SYNJ1: variants seen among roughly 807,000 people sequenced by gnomAD.
SYNJ1 encodes synaptojanin 1.
A neutral mutation model predicts 168.2 loss-of-function variants in SYNJ1; 78 were observed. The ratio of observed to expected loss-of-function variants is 0.46; its 90% confidence interval spans 0.39 to 0.56. SYNJ1 has a LOEUF of 0.56. SYNJ1 is among the 20% of genes least tolerant of loss of function. The pLI is 0.00. For synonymous variants in SYNJ1, 539 were observed against 548.6 expected (o/e 0.98, Z 0.24); for missense variants, 1,303 against 1,597.6 (o/e 0.82, Z 3.14).
Position 32,645,752 on chromosome 21 carries a change from C to A in SYNJ1, c.3285G>T (p.Pro1095=), listed in dbSNP as rs376395608. ...PIDAQPATPL[P]QKDPAQPLEP... is the part of the protein sequence containing the mutation. Reference sequence around the variant, plus strand: ...CCAAGGGCTGGGCGGGGTCTTTCTGCGGCAGCGGCGTTGCTGGCTGCGCGT... The same window carrying A: ...CCAAGGGCTGGGCGGGGTCTTTCTGAGGCAGCGGCGTTGCTGGCTGCGCGT... The change falls in exon 25 of 33, where the codon CCG becomes CCT. Residue 1095 remains proline (P), a synonymous_variant. Transcript: ENST00000674351. The A allele has an allele frequency of 3.0e-5, 44 of 1,463,480 alleles. No homozygotes were observed. The highest frequency in any genetic ancestry group is 5.0e-5 in the East Asian group (2 of 40,112). The allele number at this position is 1,463,480 out of a possible 1,614,324, so 90.7% of individuals were successfully genotyped here.
chr21:32,664,512 T>C (rs541704874), intron 18 of SYNJ1, among the ~76,000 whole-genome samples: 1 of 108,318 alleles, frequency 9.2e-6, no homozygotes, highest in African/African-American at 3.2e-5. Context: ...TGAAAATCCC[T>C]GTCCTGTTCC....
rs144798143 is a variant in SYNJ1 at position 32,636,114 on chromosome 21, T to C, written c.3916-1230A>G. ...GGACAGGAGATCAGGAATAGGTTTA[T>C]ACTGAGAGGTACAAGGTTGCTGTAT... On this transcript the variant is annotated intron_variant, in intron 31 of 32. Coordinates refer to ENST00000674351, the MANE Select transcript of SYNJ1 (RefSeq NM_203446.3). 2.4e-3 allele frequency among the ~76,000 whole-genome samples: 371 copies of C among 152,318 alleles called. 1 individual carries two copies. Among genetic ancestry groups the C allele is most frequent in the Non-Finnish European group, 4.2e-3 (283 of 68,024 alleles).
intron 15 of SYNJ1, among the ~76,000 whole-genome samples, chr21:32,668,767 C>T (rs1353460425): frequency 6.6e-6 from 1 of 152,162 alleles, no homozygotes; most frequent in Non-Finnish European, 1.5e-5. Flanking sequence ...GGATTCAGAA[C>T]AGCGTTCCCA....
At chr21:32,693,392 T>C (rs995499981) in intron 6 of SYNJ1, among the ~76,000 whole-genome samples, 1 of 152,228 alleles carries the variant, frequency 6.6e-6, no homozygotes, top group African/African-American at 2.4e-5. Context: ...GAAGTGTTAA[T>C]CCTTGTTAAC....
At chr21:32,704,376 A>G (rs548467365) in intron 2 of SYNJ1, among the ~76,000 whole-genome samples, 1 of 152,354 alleles carries the variant, frequency 6.6e-6, no homozygotes, top group East Asian at 1.9e-4. Context: ...AAGAGAAAAC[A>G]GTATCTTCTT....
rs1444686153 is a variant in SYNJ1 at position 32,700,131 on chromosome 21, A to G, written c.212-26T>C. ...CTGCAAAACCCAAAGATTTTACTGGATGAAAAATCCCAACATTTTCAAGCT... is the reference window on the plus strand; with the variant it reads ...CTGCAAAACCCAAAGATTTTACTGGGTGAAAAATCCCAACATTTTCAAGCT... On this transcript the variant is annotated intron_variant, in intron 3 of 32. Coordinates refer to ENST00000674351, the MANE Select transcript of SYNJ1 (RefSeq NM_203446.3). 5.1e-6 allele frequency: 8 copies of G among 1,563,720 alleles called. No individual in the cohort carries two copies. In the East Asian group the frequency reaches 1.4e-4, roughly 27 times the overall value.
intron 2 of SYNJ1, among the ~76,000 whole-genome samples, chr21:32,712,698 A>G (rs1238881429): frequency 6.6e-6 from 1 of 152,238 alleles, no homozygotes; most frequent in Non-Finnish European, 1.5e-5. Context: ...ATATAACCAT[A>G]CAAATGCAAA....
chr21:32,672,059 C>CAAAAAAAAAAAAAAAAAAAAAAAAACA (rs1160074724), intron 14 of SYNJ1, among the ~76,000 whole-genome samples: 1 of 24,664 alleles, frequency 4.1e-5, no homozygotes, highest in Admixed American at 4.5e-4. Flanking sequence ...AACTCAATCT[C>CAAAAAAAAAAAAAAAAAAAAAAAAACA]AAAAAAAAAA....
intron 24 of SYNJ1, 135 bp downstream of exon 24, chr21:32,646,258 A>T: frequency 1.2e-6 from 1 of 839,910 alleles, no homozygotes; most frequent in Non-Finnish European, 1.9e-6. Context: ...CTTATCATCT[A>T]CAAGTTTTCC....
intron 2 of SYNJ1, among the ~76,000 whole-genome samples, chr21:32,725,826 A>G (rs1358876018): frequency 2.6e-5 from 4 of 152,154 alleles, no homozygotes; most frequent in Non-Finnish European, 4.4e-5. Context: ...ATGTGTATAT[A>G]TAATCATATA....
chr21:32,702,186 T>G, intron 2 of SYNJ1, 139 bp from the exon 3 acceptor site: 3 of 539,750 alleles, frequency 5.6e-6, no homozygotes, highest in Non-Finnish European at 9.8e-6. Flanking sequence ...TTTCTTAAAC[T>G]AGTAACATTA....
At chr21:32,656,269 AAAAACAAAAC>A (rs916645799) in intron 21 of SYNJ1, among the ~76,000 whole-genome samples, 1 of 152,122 alleles carries the variant, frequency 6.6e-6, no homozygotes, top group African/African-American at 2.4e-5. Flanking sequence ...CTGCCTCTAC[AAAAACAAAAC>A]AAAACAAAAC....
intron 18 of SYNJ1, among the ~76,000 whole-genome samples, chr21:32,664,669 G>A (rs1343508043): frequency 5.3e-5 from 8 of 152,126 alleles, no homozygotes; most frequent in Non-Finnish European, 7.3e-5. Flanking sequence ...TTTTGGAGAC[G>A]TGAGTCCGCT....
At chr21:32,677,975 G>A (rs1431189509) in intron 12 of SYNJ1, among the ~76,000 whole-genome samples, 4 of 152,142 alleles carry the variant, frequency 2.6e-5, no homozygotes, top group Admixed American at 2.6e-4. Context: ...GAAAGAAAAA[G>A]TAAGTCTAAT....
At chr21:32,673,627 AATT>A (rs2041289172) in intron 13 of SYNJ1, 96 bp from the exon 14 acceptor site, 1 of 1,069,378 alleles carries the variant, frequency 9.4e-7, no homozygotes, top group African/African-American at 1.6e-5. Flanking sequence ...TGGAAAGCAC[AATT>A]ATTATCACAA....
At chr21:32,672,591 C>T (rs547196040) in intron 14 of SYNJ1, among the ~76,000 whole-genome samples, 18 of 152,258 alleles carry the variant, frequency 1.2e-4, no homozygotes, top group South Asian at 4.1e-4. Context: ...CCACCTGCCT[C>T]GGCCTCCCAA....
In SYNJ1 at chr21:32,728,013, C is replaced by G. The variant is rs1601568698; in HGVS notation, c.-90G>C. The G allele has an allele frequency of 5.2e-6, 8 of 1,535,952 alleles. No individual in the cohort carries two copies. ...CCACAGCCGCCGGGAGCGTCACTTC[C>G]GCTCCAGCAGGCCCATCTCTTCCGC... On this transcript the variant is annotated 5_prime_UTR_variant, in exon 1 of 33. Transcript: ENST00000674351.
chr21:32,711,002 T>C (rs1340330448), intron 2 of SYNJ1, among the ~76,000 whole-genome samples: 1 of 152,236 alleles, frequency 6.6e-6, no homozygotes, highest in Non-Finnish European at 1.5e-5. Flanking sequence ...TTAGGAAATA[T>C]TTAAAACTAT....
intron 29 of SYNJ1, among the ~76,000 whole-genome samples, chr21:32,640,428 T>C (rs998486731): frequency 6.6e-6 from 1 of 152,102 alleles, no homozygotes; most frequent in African/African-American, 2.4e-5. Context: ...TCCGAGTAGC[T>C]GGGACTACAG....
Sources: allele counts gnomAD v4.1 joint callset (sites outside exome capture counted in the v4.1 genomes callset), GRCh38; gene constraint gnomAD v4.1.1; transcripts MANE v1.5; gene names NCBI Gene and HGNC (gene_info 2026-07-23, HGNC 2026-07-21).